Variants in DISP1 observed in about 807,000 individuals in gnomAD.
DISP1 encodes dispatched RND transporter family member 1.
In DISP1, 30 loss-of-function variants were observed where a neutral mutation model predicts 37.3. The observed-to-expected ratio is 0.80, with a 90% CI of 0.60 to 1.09. DISP1 has a LOEUF of 1.09. Ranked by LOEUF, DISP1 falls within the 50% of genes least tolerant of loss-of-function variation. The pLI is 0.00. For missense variants in DISP1, 1,598 were observed against 1,879.5 expected (o/e 0.85, Z 2.77); for synonymous variants, 634 against 690.2 (o/e 0.92, Z 1.28).
At chr1:222,985,785 T>G (rs1030295078) in intron 4 of DISP1, among the ~76,000 whole-genome samples, 13 of 152,224 alleles carry the variant, frequency 8.5e-5, no homozygotes, top group African/African-American at 2.9e-4. Flanking sequence ...ATTTTTGTAT[T>G]CCCAGAATGC....
intron 1 of DISP1, among the ~76,000 whole-genome samples, chr1:222,842,734 A>T (rs1372669765): frequency 2.0e-5 from 3 of 152,100 alleles, no homozygotes; most frequent in Non-Finnish European, 4.4e-5. Flanking sequence ...GGTACTAAGA[A>T]GTCCTGTGGT....
chr1:223,005,640 G>A lies in DISP1; in HGVS notation c.4243G>A (p.Glu1415Lys). The A allele has an allele frequency of 1.9e-6, 3 of 1,614,082 alleles. No homozygotes were observed. The South Asian group carries it at 3.3e-5, about 18-fold the overall frequency. ...TTGCGACCCCGAGAATAAACAAAGG[G>A]AACTCTGTAAAAATAGAGACGTGAG... Reference protein sequence around the residue: ...TCCDPENKQRELCKNRDVSNL... With the variant: ...TCCDPENKQRKLCKNRDVSNL... The change falls in exon 9 of 9, where the codon GAA (glutamate) becomes AAA (lysine). Residue 1415 changes from glutamate to lysine, a missense_variant. Glu to Lys is a moderately conservative substitution (Grantham distance 56, BLOSUM62 1). Transcript: ENST00000675850.
intron 1 of DISP1, among the ~76,000 whole-genome samples, chr1:222,849,683 C>T (rs1668117119): frequency 6.6e-6 from 1 of 152,068 alleles, no homozygotes; most frequent in South Asian, 2.1e-4. Flanking sequence ...TCTGTGTACA[C>T]TTTTGAAAAT....
intron 1 of DISP1, chr1:222,827,390 G>C (rs552964849): frequency 6.6e-6 from 1 of 152,142 alleles, no homozygotes. Flanking sequence ...TCCATATGTG[G>C]GTTATTGAAT....
chr1:222,894,048 A>C (rs1187266581), intron 1 of DISP1, among the ~76,000 whole-genome samples: 3 of 152,102 alleles, frequency 2.0e-5, no homozygotes, highest in African/African-American at 7.2e-5. Context: ...TCCTTCTCCC[A>C]GCCGGTAGTC....
chr1:222,834,901 A>C (rs1459138227), intron 1 of DISP1, among the ~76,000 whole-genome samples: 1 of 152,190 alleles, frequency 6.6e-6, no homozygotes, highest in African/African-American at 2.4e-5. Flanking sequence ...GATGCAAAAT[A>C]ACGCATGTGA....
chr1:222,856,091 A>T (rs11485124), intron 1 of DISP1, among the ~76,000 whole-genome samples: 34,458 of 152,160 alleles, frequency 0.23, 3,890 homozygotes, highest in Middle Eastern at 0.33. Context: ...ATCGAGTTCA[A>T]ATGGAAAAAT....
chr1:222,848,371 A>G (rs569931300), intron 1 of DISP1, among the ~76,000 whole-genome samples: 26 of 152,292 alleles, frequency 1.7e-4, no homozygotes, highest in African/African-American at 6.0e-4. Context: ...ATCTCAATAT[A>G]AAAGGAATAA....
chr1:222,991,983 A>G lies in DISP1; in HGVS notation c.792-30A>G, dbSNP rs192180779. 22 of 1,548,542 alleles carry G rather than the reference A, an allele frequency of 1.4e-5. No homozygotes were observed. In the South Asian group the frequency reaches 1.8e-4, roughly 13 times the overall value. ...TCAGCTTTGAAATAACGAGAACTTT[A>G]TTGAAGATCAAATTGTCGTTCCATT... On this transcript the variant is annotated intron_variant, in intron 6 of 8. Transcript: ENST00000675850.
chr1:222,846,519 AAT>A (rs1401099000), intron 1 of DISP1, among the ~76,000 whole-genome samples: 2 of 152,134 alleles, frequency 1.3e-5, no homozygotes, highest in Non-Finnish European at 2.9e-5. Flanking sequence ...AAGGACAGGG[AAT>A]ATGAGTTGAT....
intron 1 of DISP1, among the ~76,000 whole-genome samples, chr1:222,910,422 AATAAGAGT>A (rs1672147596): frequency 6.6e-6 from 1 of 152,182 alleles, no homozygotes; most frequent in African/African-American, 2.4e-5. Flanking sequence ...ACATATGTGG[AATAAGAGT>A]ATAAGAGTAT....
At chr1:222,896,021 G>A (rs1671233637) in intron 1 of DISP1, among the ~76,000 whole-genome samples, 1 of 152,120 alleles carries the variant, frequency 6.6e-6, no homozygotes, top group African/African-American at 2.4e-5. Context: ...AAATGAAAAA[G>A]CGAGGCTACA....
At chr1:222,935,502 C>T (rs1050114073) in intron 2 of DISP1, among the ~76,000 whole-genome samples, 1 of 152,100 alleles carries the variant, frequency 6.6e-6, no homozygotes, top group African/African-American at 2.4e-5. Flanking sequence ...GTTGTTTTCT[C>T]CTAGCAAAAT....
chr1:223,002,830 C>T lies in DISP1; in HGVS notation c.1433C>T (p.Ser478Phe), dbSNP rs138673928. ...YLDNFENWNS[S>F]DGVTTITGIE... ...GACAACTTTGAAAACTGGAACTCTT[C>T]TGACGGCGTGACTACCATCACCGGG... Residue 478 changes from serine to phenylalanine, a missense_variant, in exon 9 of 9, where the codon TCT becomes TTT. Coordinates refer to ENST00000675850, the MANE Select transcript of DISP1 (RefSeq NM_001377229.1). 6 of 1,613,926 alleles carry T rather than the reference C, an allele frequency of 3.7e-6. No homozygotes were observed. The highest frequency in any genetic ancestry group is 5.1e-6 in the Non-Finnish European group (6 of 1,180,038).
chr1:222,965,114 G>C (rs1274560746), intron 3 of DISP1, among the ~76,000 whole-genome samples: 1 of 151,918 alleles, frequency 6.6e-6, no homozygotes, highest in Non-Finnish European at 1.5e-5. Context: ...GAAAACAATA[G>C]AAAATTTCGC....
At position 222,936,770 on chromosome 1, in the gene DISP1, A is replaced by ATATATCATATATATGATATATAAAAAT. The variant is rs1558339672; in HGVS notation, c.-17-6032_-17-6031insCATATATATGATATATAAAAATTATAT. Among the ~76,000 whole-genome samples, 12 of 61,476 alleles carry ATATATCATATATATGATATATAAAAAT rather than the reference A, an allele frequency of 2.0e-4. 2 individuals carry two copies. Among genetic ancestry groups the ATATATCATATATATGATATATAAAAAT allele is most frequent in the Non-Finnish European group, 3.7e-4 (11 of 29,490 alleles). The allele number at this position is 61,476 out of a possible 152,430, so 40.3% of individuals were successfully genotyped here. ...ATCATATATATGATATATAAAAATT[A>ATATATCATATATATGATATATAAAAAT]TATATATCATATATAATATATATAA... On this transcript the variant is annotated intron_variant, in intron 2 of 8. Coordinates refer to ENST00000675850, the MANE Select transcript of DISP1 (RefSeq NM_001377229.1).
intron 3 of DISP1, among the ~76,000 whole-genome samples, chr1:222,966,180 T>G (rs1676473311): frequency 6.6e-6 from 1 of 152,222 alleles, no homozygotes; most frequent in Admixed American, 6.5e-5. Context: ...TAAGTAAGTA[T>G]ACCCACTTAT....
intron 1 of DISP1, among the ~76,000 whole-genome samples, chr1:222,908,325 C>G (rs1343574627): frequency 6.6e-6 from 1 of 151,434 alleles, no homozygotes; most frequent in African/African-American, 2.4e-5. Flanking sequence ...GCACTCTAGC[C>G]TGGGTGACAG....
chr1:222,873,388 A>G (rs1669707256), intron 1 of DISP1, among the ~76,000 whole-genome samples: 1 of 152,110 alleles, frequency 6.6e-6, no homozygotes, highest in Admixed American at 6.5e-5. Context: ...GAAGTCTCCC[A>G]TTATTATTGT....
Sources: allele counts gnomAD v4.1 joint callset (sites outside exome capture counted in the v4.1 genomes callset), GRCh38; gene constraint gnomAD v4.1.1; transcripts MANE v1.5; gene names NCBI Gene and HGNC (gene_info 2026-07-23, HGNC 2026-07-21).